PRKG1: variants seen among roughly 807,000 people sequenced by gnomAD.
The protein encoded by PRKG1 is cGMP-dependent protein kinase 1.
Under a neutral mutation model 88.1 loss-of-function variants are expected in PRKG1, and 35 were observed. The observed-to-expected ratio is 0.40, with a 90% CI of 0.30 to 0.53. PRKG1 has a LOEUF of 0.53. PRKG1 is among the 20% of genes least tolerant of loss of function. PRKG1 has a pLI of 0.59. For missense variants in PRKG1, 540 were observed against 839.8 expected, an observed-to-expected ratio of 0.64 and a Z score of 4.41; for synonymous variants, 303 against 292.5, an observed-to-expected ratio of 1.04 and a Z score of -0.37.
At chr10:51,818,858 T>C (rs1839662972) in intron 4 of PRKG1, among the ~76,000 whole-genome samples, 1 of 129,204 alleles carries the variant, frequency 7.7e-6, no homozygotes, top group Non-Finnish European at 1.5e-5. Flanking sequence ...ATACAAAAAA[T>C]TAGCCGGGCG....
rs369915191 is a variant in PRKG1 at position 51,326,070 on chromosome 10, A to C, written c.479-141653A>C. On this transcript the variant is annotated intron_variant, in intron 2 of 17. Coordinates refer to ENST00000373980, the MANE Select transcript of PRKG1 (RefSeq NM_006258.4). ...CATGTCAAGAGTTTCCCACTTTTGCACTAGGTGTTTGTAGCATTAACCTAA... is the reference window on the plus strand; with the variant it reads ...CATGTCAAGAGTTTCCCACTTTTGCCCTAGGTGTTTGTAGCATTAACCTAA... Among the ~76,000 whole-genome samples the C allele has an allele frequency of 5.3e-5, 8 of 152,346 alleles. No individual in the cohort carries two copies. In the East Asian group the frequency reaches 1.2e-3, roughly 22 times the overall value.
At chr10:51,833,821 T>C (rs1322828476) in intron 4 of PRKG1, among the ~76,000 whole-genome samples, 1 of 152,192 alleles carries the variant, frequency 6.6e-6, no homozygotes, top group Non-Finnish European at 1.5e-5. Flanking sequence ...AAACTTTTAC[T>C]TGTTGACCAA....
intron 8 of PRKG1, among the ~76,000 whole-genome samples, chr10:52,152,494 A>C (rs772096733): frequency 2.0e-5 from 3 of 152,110 alleles, no homozygotes; most frequent in Non-Finnish European, 4.4e-5. Flanking sequence ...GTCCTGTATA[A>C]AGAGGAAACA....
intron 3 of PRKG1, among the ~76,000 whole-genome samples, chr10:51,705,661 T>A (rs1296478124): frequency 6.6e-6 from 1 of 152,188 alleles, no homozygotes; most frequent in Admixed American, 6.5e-5. Flanking sequence ...ATGCTTTATA[T>A]AATATAATAT....
chr10:51,603,080 C>G (rs1454167064), intron 3 of PRKG1, among the ~76,000 whole-genome samples: 1 of 151,994 alleles, frequency 6.6e-6, no homozygotes, highest in Non-Finnish European at 1.5e-5. Flanking sequence ...GCCTCAACCT[C>G]CTGTGTAGCT....
intron 5 of PRKG1, among the ~76,000 whole-genome samples, chr10:52,053,841 T>A (rs1018040316): frequency 6.6e-6 from 1 of 152,164 alleles, no homozygotes; most frequent in Non-Finnish European, 1.5e-5. Context: ...AAATCTAAAC[T>A]GCTGAAGCAA....
At chr10:52,282,980 T>A (rs1234671373) in intron 14 of PRKG1, among the ~76,000 whole-genome samples, 1 of 151,918 alleles carries the variant, frequency 6.6e-6, no homozygotes, top group Non-Finnish European at 1.5e-5. Context: ...AGGACTTAGA[T>A]ATAGAGAGCA....
At chr10:51,073,360 C>T (rs182454727), upstream of PRKG1, among the ~76,000 whole-genome samples, 1 of 152,224 alleles carries the variant, frequency 6.6e-6, no homozygotes, top group Non-Finnish European at 1.5e-5. Context: ...AGGATGTCTT[C>T]CTGGCCATTC....
chr10:51,950,728 T>C (rs190732326), intron 5 of PRKG1, among the ~76,000 whole-genome samples: 241 of 152,374 alleles, frequency 1.6e-3, no homozygotes, highest in African/African-American at 5.5e-3. Flanking sequence ...AGTCAGTCCC[T>C]GGCCCCATGG....
At chr10:51,755,990 A>G (rs543221172) in intron 3 of PRKG1, among the ~76,000 whole-genome samples, 62 of 152,370 alleles carry the variant, frequency 4.1e-4, no homozygotes, top group African/African-American at 1.3e-3. Flanking sequence ...CGTTATTTAA[A>G]GCAAGTTCAA....
chr10:52,270,072 A>AT lies in PRKG1; in HGVS notation c.1174-1270dup, dbSNP rs530785976. Among the ~76,000 whole-genome samples, 4 of 152,028 alleles carry AT rather than the reference A, an allele frequency of 2.6e-5. No individual in the cohort carries two copies. The South Asian group carries it at 6.2e-4, about 24-fold the overall frequency. On this transcript the variant is annotated intron_variant, in intron 10 of 17. Coordinates refer to ENST00000373980, the MANE Select transcript of PRKG1 (RefSeq NM_006258.4). The stretch of plus-strand genomic sequence containing the variant: ...AATCTCCTGAAAAAATCTTGTTACA[A>AT]TTTTTTTTCTCTTTAAACTGTAGGG...
intron 5 of PRKG1, among the ~76,000 whole-genome samples, chr10:52,026,626 G>A (rs1845344755): frequency 6.6e-6 from 1 of 152,178 alleles, no homozygotes; most frequent in Admixed American, 6.5e-5. Context: ...TCTTAAATTA[G>A]AGAGTGGTGA....
chr10:52,201,795 T>A (rs1388983318), intron 9 of PRKG1, among the ~76,000 whole-genome samples: 3 of 152,146 alleles, frequency 2.0e-5, no homozygotes, highest in Non-Finnish European at 4.4e-5. Context: ...TTCCTAGGTA[T>A]TTTATTTTTT....
rs11001065 is a variant in PRKG1 at position 52,174,602 on chromosome 10, A to G, written c.1076+12639A>G. ...GATAGTATAAAACTATAGCATTAAA[A>G]ATAATTGCATTATATGGGTTGTGTC... On this transcript the variant is annotated intron_variant, in intron 9 of 17. Coordinates refer to ENST00000373980, the MANE Select transcript of PRKG1 (RefSeq NM_006258.4). 9.9e-5 allele frequency among the ~76,000 whole-genome samples: 15 copies of G among 152,190 alleles called. No homozygotes were observed. The East Asian group carries it at 2.1e-3, about 22-fold the overall frequency.
chr10:51,777,177 G>T lies in PRKG1; in HGVS notation c.593-27408G>T, dbSNP rs150689900. On this transcript the variant is annotated intron_variant, in intron 3 of 17. Coordinates refer to ENST00000373980, the MANE Select transcript of PRKG1 (RefSeq NM_006258.4). ...TAAGATAGTGATAAGTACCTGTTTG[G>T]TGTCTACTATTTGACAGACACTATT... Among the ~76,000 whole-genome samples, 4 of 152,056 alleles carry T rather than the reference G, an allele frequency of 2.6e-5. No homozygotes were observed. The East Asian group carries it at 7.8e-4, about 30-fold the overall frequency.
At chr10:51,852,133 A>G (rs1035624423) in intron 4 of PRKG1, among the ~76,000 whole-genome samples, 5 of 149,992 alleles carry the variant, frequency 3.3e-5, no homozygotes, top group Admixed American at 2.7e-4. Flanking sequence ...TATGATATAT[A>G]TATAAGTTTA....
At chr10:51,183,455 T>G (rs2132029053) in intron 2 of PRKG1, among the ~76,000 whole-genome samples, 1 of 152,350 alleles carries the variant, frequency 6.6e-6, no homozygotes, top group East Asian at 1.9e-4. Context: ...GGCAAGAGTT[T>G]TGAACATCTA....
intron 14 of PRKG1, among the ~76,000 whole-genome samples, 173 bp downstream of exon 14, chr10:52,282,489 T>C (rs1236690630): frequency 6.6e-6 from 1 of 152,080 alleles, no homozygotes; most frequent in Non-Finnish European, 1.5e-5. Context: ...TATAAAATAG[T>C]CCAGGCTAGG....
In PRKG1 at chr10:51,542,943, T is replaced by C. The variant is rs117741722; in HGVS notation, c.592+75107T>C. Among the ~76,000 whole-genome samples, 46 of 152,256 alleles carry C rather than the reference T, an allele frequency of 3.0e-4. No homozygotes were observed. In the East Asian group the frequency reaches 8.7e-3, roughly 29 times the overall value. The stretch of plus-strand genomic sequence containing the variant: ...CTTCCTTTGGTCATAAATGACAACA[T>C]AGGAACGTGGGGGACATTGAGTGTT... On this transcript the variant is annotated intron_variant, in intron 3 of 17. Transcript: ENST00000373980.
Sources: gnomAD v4.1 joint callset for allele counts (sites outside exome capture counted in the v4.1 genomes callset) on GRCh38, gnomAD v4.1.1 for gene constraint, MANE v1.5 for transcripts, NCBI Gene and HGNC (gene_info 2026-07-23, HGNC 2026-07-21) for gene names.